The following ENAH variants were observed in gnomAD, a reference collection of about 807,000 sequenced individuals.
ENAH encodes ENAH actin regulator, also known as protein enabled homolog.
ENAH carries 23 observed loss-of-function variants against 78.7 expected under a neutral mutation model. The observed-to-expected ratio is 0.29, with a 90% CI of 0.21 to 0.41. The LOEUF is 0.41. Among genes scored for constraint, ENAH ranks in the 10% least tolerant of loss-of-function variants. The probability of loss-of-function intolerance (pLI) is 1.00; values close to 1 mark genes in which losing one functional copy is unlikely to be tolerated. For synonymous variants in ENAH, 226 were observed against 241.0 expected (o/e 0.94, Z 0.58); for missense variants, 544 against 691.0 (o/e 0.79, Z 2.39).
intron 1 of ENAH, among the ~76,000 whole-genome samples, chr1:225,568,289 G>C (rs889310679): frequency 2.0e-5 from 3 of 152,112 alleles, no homozygotes; most frequent in Non-Finnish European, 2.9e-5. Flanking sequence ...CCAGCACTTT[G>C]GGAAGCCAAG....
chr1:225,506,563 T>G (rs920008575), intron 11 of ENAH, among the ~76,000 whole-genome samples: 21 of 152,212 alleles, frequency 1.4e-4, no homozygotes, highest in African/African-American at 5.1e-4. Flanking sequence ...AGTAGAGATG[T>G]GTTAGAAGGC....
intron 1 of ENAH, among the ~76,000 whole-genome samples, chr1:225,626,813 T>C (rs975985669): frequency 2.6e-5 from 4 of 152,194 alleles, no homozygotes. Flanking sequence ...AAAACCACAA[T>C]AGCGTTCAAA....
chr1:225,504,253 C>T (rs1453735139), intron 11 of ENAH, among the ~76,000 whole-genome samples: 1 of 152,094 alleles, frequency 6.6e-6, no homozygotes, highest in South Asian at 2.1e-4. Flanking sequence ...AAATGATCCT[C>T]CAGCCTTGGC....
chr1:225,570,510 C>T (rs370146290), intron 1 of ENAH, among the ~76,000 whole-genome samples: 5 of 152,086 alleles, frequency 3.3e-5, no homozygotes, highest in East Asian at 3.9e-4. Flanking sequence ...CAAGGCCAAG[C>T]CCTCCTCTTT....
At chr1:225,536,145 A>G (rs1020141595) in intron 3 of ENAH, among the ~76,000 whole-genome samples, 1 of 152,156 alleles carries the variant, frequency 6.6e-6, no homozygotes, top group Non-Finnish European at 1.5e-5. Context: ...TTACCAAGCC[A>G]CATGTTACTA....
At chr1:225,561,835 A>G (rs2151473418) in intron 2 of ENAH, among the ~76,000 whole-genome samples, 1 of 152,086 alleles carries the variant, frequency 6.6e-6, no homozygotes, top group East Asian at 2.0e-4. Flanking sequence ...TAACAGAGTA[A>G]ACAGTGCAGT....
At chr1:225,530,733 A>G in intron 3 of ENAH, 95 bp from the exon 4 acceptor site, 2 of 967,942 alleles carry the variant, frequency 2.1e-6, no homozygotes, top group Non-Finnish European at 3.2e-6. Context: ...ACCATCACAT[A>G]TTTACAAACG....
At chr1:225,642,576 G>A (rs1288032729) in intron 1 of ENAH, among the ~76,000 whole-genome samples, 1 of 152,020 alleles carries the variant, frequency 6.6e-6, no homozygotes, top group Non-Finnish European at 1.5e-5. Context: ...AAGCTGAGGT[G>A]GGAGGATCAC....
intron 11 of ENAH, among the ~76,000 whole-genome samples, chr1:225,504,486 C>A (rs2096309986): frequency 6.6e-6 from 1 of 152,044 alleles, no homozygotes; most frequent in South Asian, 2.1e-4. Flanking sequence ...GTTCTTAAGT[C>A]TTCTTAATTA....
intron 10 of ENAH, chr1:225,508,260 T>C (rs1387922271): frequency 3.8e-6 from 1 of 261,610 alleles, no homozygotes; most frequent in Non-Finnish European, 7.0e-6. Context: ...CATTGTTAAG[T>C]CTAAAATATT....
At chr1:225,640,409 A>G (rs1660823968) in intron 1 of ENAH, among the ~76,000 whole-genome samples, 2 of 152,198 alleles carry the variant, frequency 1.3e-5, no homozygotes, top group African/African-American at 4.8e-5. Context: ...ATCCTACAAG[A>G]TCTTGTTCTT....
At chr1:225,502,501 C>T (rs1290138576) in intron 11 of ENAH, among the ~76,000 whole-genome samples, 6 of 152,110 alleles carry the variant, frequency 3.9e-5, no homozygotes, top group Non-Finnish European at 8.8e-5. Flanking sequence ...AGCCACCACG[C>T]CCAGCCTGTT....
At chr1:225,621,459 A>AT (rs1479514620) in intron 1 of ENAH, among the ~76,000 whole-genome samples, 1 of 151,256 alleles carries the variant, frequency 6.6e-6, no homozygotes, top group Non-Finnish European at 1.5e-5. Flanking sequence ...CGCCCGGCTA[A>AT]TTTTTTGTAT....
chr1:225,584,804 C>G (rs1055182668), intron 1 of ENAH, among the ~76,000 whole-genome samples: 1 of 152,138 alleles, frequency 6.6e-6, no homozygotes, highest in African/African-American at 2.4e-5. Flanking sequence ...AGAATTGACA[C>G]ATTAGTATCA....
intron 11 of ENAH, among the ~76,000 whole-genome samples, chr1:225,503,441 A>C (rs1341052219): frequency 6.6e-6 from 1 of 151,966 alleles, no homozygotes; most frequent in Non-Finnish European, 1.5e-5. Flanking sequence ...ATGCCCAGCT[A>C]ATTTTTGTAT....
chr1:225,629,006 G>A (rs1030578351), intron 1 of ENAH, among the ~76,000 whole-genome samples: 25 of 151,850 alleles, frequency 1.6e-4, no homozygotes, highest in African/African-American at 3.4e-4. Context: ...TGGGCCAAGC[G>A]CAGTGGCTTA....
chr1:225,580,686 G>A (rs2096811799), intron 1 of ENAH, among the ~76,000 whole-genome samples: 1 of 152,026 alleles, frequency 6.6e-6, no homozygotes, highest in East Asian at 1.9e-4. Flanking sequence ...GGGAGGCCAA[G>A]GTGGGTGGAT....
intron 5 of ENAH, chr1:225,517,883 CTG>C: frequency 6.4e-7 from 1 of 1,551,304 alleles, no homozygotes; most frequent in Non-Finnish European, 8.7e-7. Context: ...GCATCTGACA[CTG>C]GAGCTGAGAT....
rs7516701 is a variant in ENAH at position 225,581,338 on chromosome 1, G to A, written c.6-13924C>T. The A allele has an allele frequency of 3.5e-5, 34 of 970,882 alleles. No homozygotes were observed. In the African/African-American group the frequency reaches 5.8e-4, roughly 17 times the overall value. 60.1% of individuals were successfully genotyped at this position (970,882 alleles called of 1,614,324 possible). Reference sequence around the variant, plus strand: ...CAAAATACTTTCCAAGCACCGTAGAGTTAAAAATATCAAGTGTGGCTAATT... The same window carrying A: ...CAAAATACTTTCCAAGCACCGTAGAATTAAAAATATCAAGTGTGGCTAATT... On this transcript the variant is annotated intron_variant, in intron 1 of 13. Coordinates refer to ENST00000366843, the MANE Select transcript of ENAH (RefSeq NM_018212.6).
Sources: allele counts gnomAD v4.1 joint callset (sites outside exome capture counted in the v4.1 genomes callset), GRCh38; gene constraint gnomAD v4.1.1; transcripts MANE v1.5; gene names NCBI Gene and HGNC (gene_info 2026-07-23, HGNC 2026-07-21).